The following MITF variants were observed in gnomAD, a reference collection of about 807,000 sequenced individuals.
MITF encodes the protein microphthalmia-associated transcription factor.
In MITF, 17 loss-of-function variants were observed where a neutral mutation model predicts 60.5. The observed-to-expected ratio is 0.28, with a 90% CI of 0.19 to 0.42. MITF has a LOEUF of 0.42. Ranked by LOEUF, MITF falls within the 10% of genes least tolerant of loss-of-function variation. The probability of loss-of-function intolerance (pLI) is 1.00; values close to 1 mark genes in which losing one functional copy is unlikely to be tolerated. For synonymous variants in MITF, 260 were observed against 248.5 expected (o/e 1.05, Z -0.43); for missense variants, 622 against 683.5 (o/e 0.91, Z 1.00).
At chr3:69,865,589 A>C (rs552277010) in intron 1 of MITF, among the ~76,000 whole-genome samples, 8 of 152,066 alleles carry the variant, frequency 5.3e-5, no homozygotes, top group Admixed American at 2.0e-4. Context: ...TGGCCTAACG[A>C]TTTGTGTGTC....
Position 69,906,108 on chromosome 3 carries a change from T to A in MITF, c.354+26725T>A, listed in dbSNP as rs891820906. On this transcript the variant is annotated intron_variant, in intron 2 of 9. Coordinates refer to ENST00000352241, the MANE Select transcript of MITF (RefSeq NM_001354604.2). The stretch of plus-strand genomic sequence containing the variant: ...TTTAGAATGTTATAGTTTTAAGTTT[T>A]ATGATTCATTTTGAGTTAATTTTTA... 1.2e-4 allele frequency among the ~76,000 whole-genome samples: 19 copies of A among 152,200 alleles called. 1 individual carries two copies. Among genetic ancestry groups the A allele is most frequent in the African/African-American group, 4.6e-4 (19 of 41,462 alleles).
chr3:69,756,399 C>G (rs1407633040), intron 1 of MITF, among the ~76,000 whole-genome samples: 8 of 152,078 alleles, frequency 5.3e-5, no homozygotes, highest in Non-Finnish European at 2.9e-5. Flanking sequence ...TTTTCTGTTC[C>G]TGTGATAGTT....
In MITF at chr3:69,966,461, T is replaced by C. The variant is rs541985819; in HGVS notation, c.*1213T>C. The C allele has an allele frequency of 4.3e-6, 1 of 232,736 alleles. No homozygotes were observed. The highest frequency in any genetic ancestry group is 1.8e-4 in the South Asian group (1 of 5,524). 14.4% of individuals were successfully genotyped at this position (232,736 alleles called of 1,614,324 possible). ...TAGAAAGAATAAACTTACATATTTATTTTTAGGACATGAAAATAGCAATAT... is the reference window on the plus strand; with the variant it reads ...TAGAAAGAATAAACTTACATATTTACTTTTAGGACATGAAAATAGCAATAT... On this transcript the variant is annotated 3_prime_UTR_variant, in exon 10 of 10. Coordinates refer to ENST00000352241, the MANE Select transcript of MITF (RefSeq NM_001354604.2).
At position 69,925,752 on chromosome 3, in the gene MITF, A is replaced by G. The variant is rs555850501; in HGVS notation, c.355-12070A>G. ...TTGATCTTGTCCTTATTCATCCAAT[A>G]TGCTGGGCTGCTTCCTACCTCAGTA... On this transcript the variant is annotated intron_variant, in intron 2 of 9. Coordinates refer to ENST00000352241, the MANE Select transcript of MITF (RefSeq NM_001354604.2). Among the ~76,000 whole-genome samples the G allele has an allele frequency of 6.6e-5, 10 of 152,262 alleles. No homozygotes were observed. The East Asian group carries it at 1.9e-3, about 29-fold the overall frequency.
chr3:69,752,750 C>T (rs1330363726), intron 1 of MITF, among the ~76,000 whole-genome samples: 1 of 152,022 alleles, frequency 6.6e-6, no homozygotes, highest in Non-Finnish European at 1.5e-5. Flanking sequence ...AAGCACAATC[C>T]CCTTGGTCCT....
At chr3:69,821,057 A>G (rs1266892532) in intron 1 of MITF, among the ~76,000 whole-genome samples, 1 of 152,200 alleles carries the variant, frequency 6.6e-6, no homozygotes, top group Non-Finnish European at 1.5e-5. Context: ...CCCCAAACTT[A>G]TAGCAATGAG....
At chr3:69,882,391 A>C (rs1199674889) in intron 2 of MITF, among the ~76,000 whole-genome samples, 2 of 152,104 alleles carry the variant, frequency 1.3e-5, no homozygotes, top group African/African-American at 2.4e-5. Context: ...TCTTATTGCT[A>C]TATATTTACA....
chr3:69,746,951 C>G (rs1379535656), intron 1 of MITF, among the ~76,000 whole-genome samples: 2 of 152,182 alleles, frequency 1.3e-5, no homozygotes, highest in Non-Finnish European at 2.9e-5. Context: ...ATGTGGCTTT[C>G]TTATTTCTTC....
chr3:69,927,873 T>C (rs1197714587), intron 2 of MITF, among the ~76,000 whole-genome samples: 1 of 152,272 alleles, frequency 6.6e-6, no homozygotes, highest in Non-Finnish European at 1.5e-5. Context: ...CTGAACTATA[T>C]GGCTTCCTTA....
intron 1 of MITF, among the ~76,000 whole-genome samples, chr3:69,767,620 T>C (rs2062319846): frequency 6.6e-6 from 1 of 151,496 alleles, no homozygotes; most frequent in Non-Finnish European, 1.5e-5. Context: ...AAAACAAAAA[T>C]AAAAAATGAT....
intron 2 of MITF, among the ~76,000 whole-genome samples, chr3:69,910,035 G>A (rs1340626198): frequency 1.3e-5 from 2 of 152,300 alleles, no homozygotes; most frequent in Non-Finnish European, 2.9e-5. Flanking sequence ...CAGGCCTGGA[G>A]GCCCAGGAGG....
At chr3:69,805,497 T>C (rs1292012700) in intron 1 of MITF, among the ~76,000 whole-genome samples, 2 of 152,166 alleles carry the variant, frequency 1.3e-5, no homozygotes, top group Non-Finnish European at 2.9e-5. Context: ...ACATTTGTTA[T>C]CATGTATTTT....
chr3:69,863,428 A>G (rs1403676125), intron 1 of MITF, among the ~76,000 whole-genome samples: 1 of 152,188 alleles, frequency 6.6e-6, no homozygotes, highest in Non-Finnish European at 1.5e-5. Context: ...GTCAATAGAA[A>G]TATTTCTTGA....
intron 2 of MITF, among the ~76,000 whole-genome samples, chr3:69,914,539 T>C (rs567238954): frequency 4.3e-4 from 66 of 152,352 alleles, no homozygotes; most frequent in African/African-American, 1.4e-3. Flanking sequence ...AGTTATTGTC[T>C]GTACTTGCAC....
Position 69,937,833 on chromosome 3 carries a change from C to T in MITF, c.366C>T (p.His122=), listed in dbSNP as rs140663277. The change falls in exon 3 of 10, where the codon CAC becomes CAT. Residue 122 remains histidine (H), a synonymous_variant. Coordinates refer to ENST00000352241, the MANE Select transcript of MITF (RefSeq NM_001354604.2). ...ATGGCTATGTTCAGGTGCAGACCCA[C>T]CTCGAAAACCCCACCAAGTACCACA... ...VPMEVLKVQT[H]LENPTKYHIQ... 3.1e-3 allele frequency: 5,063 copies of T among 1,613,980 alleles called. 18 individuals are homozygous for T. The highest frequency in any genetic ancestry group is 5.9e-3 in the South Asian group (536 of 91,056).
At chr3:69,756,070 G>T (rs562058302) in intron 1 of MITF, among the ~76,000 whole-genome samples, 1 of 151,910 alleles carries the variant, frequency 6.6e-6, no homozygotes, top group Non-Finnish European at 1.5e-5. Flanking sequence ...GTTCTCTATC[G>T]CTGAAAAAAC....
intron 1 of MITF, among the ~76,000 whole-genome samples, chr3:69,868,753 G>A (rs2064164686): frequency 6.6e-6 from 1 of 151,926 alleles, no homozygotes; most frequent in Non-Finnish European, 1.5e-5. Context: ...ACAAAAATTA[G>A]CCAGGCATGG....
At chr3:69,883,203 A>G (rs1274921276) in intron 2 of MITF, among the ~76,000 whole-genome samples, 1 of 152,296 alleles carries the variant, frequency 6.6e-6, no homozygotes, top group South Asian at 2.1e-4. Flanking sequence ...CCTTTTCTCC[A>G]AATCATCTCA....
chr3:69,810,015 T>G (rs2063075563), intron 1 of MITF, among the ~76,000 whole-genome samples: 1 of 152,166 alleles, frequency 6.6e-6, no homozygotes, highest in Non-Finnish European at 1.5e-5. Context: ...TGAGGAAGGA[T>G]GTTGTTAGAA....
Sources: gnomAD v4.1 joint callset for allele counts (sites outside exome capture counted in the v4.1 genomes callset) on GRCh38, gnomAD v4.1.1 for gene constraint, MANE v1.5 for transcripts, NCBI Gene and HGNC (gene_info 2026-07-23, HGNC 2026-07-21) for gene names.